The following SRFBP1 variants were observed in gnomAD, a reference collection of about 807,000 sequenced individuals.
The protein encoded by SRFBP1 is serum response factor-binding protein 1.
A neutral mutation model predicts 45.5 loss-of-function variants in SRFBP1; 47 were observed. That is an observed-to-expected ratio of 1.03 (90% confidence interval 0.82 to 1.32). The LOEUF is 1.32. Ranked by LOEUF, SRFBP1 falls within the 40% of genes most tolerant of loss-of-function variation. The pLI is 0.00. For missense variants in SRFBP1, 621 were observed against 484.6 expected (o/e 1.28, Z -2.64); for synonymous variants, 203 against 166.3 (o/e 1.22, Z -1.70).
At chr5:121,987,884 T>G (rs545960065) in intron 3 of SRFBP1, among the ~76,000 whole-genome samples, 4 of 152,298 alleles carry the variant, frequency 2.6e-5, no homozygotes, top group African/African-American at 9.6e-5. Context: ...TTTCCCTGCT[T>G]AACCAGAGGC....
In SRFBP1 at chr5:121,974,229, C is replaced by A; in HGVS notation, c.70C>A (p.Arg24=). Residue 24 remains arginine (R), a synonymous_variant, in exon 2 of 8, where the codon CGA becomes AGA. Transcript: ENST00000339397. The part of the protein sequence containing the change: ...VKMRKEVKRI[R]VLVIRKLVRS... ...GATGAGAAAAGAAGTGAAGAGAATT[C>A]GAGTTTTAGTTATCCGAAAACTTGT... is the stretch of plus-strand genomic sequence containing the variant. The A allele has an allele frequency of 3.7e-6, 6 of 1,611,236 alleles. No homozygotes were observed. Among genetic ancestry groups the A allele is most frequent in the Non-Finnish European group, 5.1e-6 (6 of 1,178,068 alleles).
At chr5:121,992,496 C>G (rs1169634047) in intron 3 of SRFBP1, among the ~76,000 whole-genome samples, 2 of 151,902 alleles carry the variant, frequency 1.3e-5, no homozygotes, top group African/African-American at 2.4e-5. Context: ...CTGGATAATC[C>G]AGGATAATAA....
At chr5:121,990,502 T>G (rs2972344) in intron 3 of SRFBP1, among the ~76,000 whole-genome samples, 66,222 of 151,968 alleles carry the variant, frequency 0.44, 16,585 homozygotes, top group East Asian at 0.74. Context: ...GACGGGATCT[T>G]TACTCCAAAC....
intron 1 of SRFBP1, among the ~76,000 whole-genome samples, chr5:121,969,394 C>G (rs1367134097): frequency 6.6e-6 from 1 of 151,910 alleles, no homozygotes; most frequent in Admixed American, 6.6e-5. Context: ...TTTCTCAAGT[C>G]TCTGAGCTGG....
intron 4 of SRFBP1, among the ~76,000 whole-genome samples, chr5:121,996,587 C>T (rs1752732748): frequency 4.7e-5 from 2 of 42,232 alleles, no homozygotes; most frequent in African/African-American, 1.1e-4. Flanking sequence ...GGAAGCATTC[C>T]CTTTGAAAAC....
At chr5:122,038,336 C>T (rs962557362) in intron 2 of SRFBP1, among the ~76,000 whole-genome samples, 5 of 152,120 alleles carry the variant, frequency 3.3e-5, no homozygotes, top group South Asian at 4.1e-4. Context: ...CTAGCCAGGG[C>T]TAAAAAACGA....
At chr5:122,037,905 A>C (rs76531116) in intron 2 of SRFBP1, among the ~76,000 whole-genome samples, 1 of 152,146 alleles carries the variant, frequency 6.6e-6, no homozygotes, top group East Asian at 1.9e-4. Flanking sequence ...TTAGTATACA[A>C]CTAATCTACA....
chr5:121,970,625 A>G (rs537232557), intron 1 of SRFBP1, among the ~76,000 whole-genome samples: 1 of 152,122 alleles, frequency 6.6e-6, no homozygotes, highest in Non-Finnish European at 1.5e-5. Context: ...CTTTGAAACA[A>G]ATTCCTAAGA....
chr5:122,009,805 ATC>A (rs1255924832), intron 4 of SRFBP1, among the ~76,000 whole-genome samples: 1 of 149,436 alleles, frequency 6.7e-6, no homozygotes, highest in African/African-American at 2.4e-5. Context: ...AATTCCCATA[ATC>A]TCTCAAGGGA....
At chr5:122,004,096 G>A (rs748922025) in intron 4 of SRFBP1, among the ~76,000 whole-genome samples, 1 of 152,084 alleles carries the variant, frequency 6.6e-6, no homozygotes, top group Non-Finnish European at 1.5e-5. Context: ...TGGTGTGCAA[G>A]TTCTGGTGTA....
intron 2 of SRFBP1, chr5:122,074,261 T>G (rs1754549555): frequency 1.8e-6 from 2 of 1,130,226 alleles, no homozygotes; most frequent in South Asian, 3.3e-5. Context: ...CTTCACAAAT[T>G]TGTTTTCACA....
intron 1 of SRFBP1, among the ~76,000 whole-genome samples, chr5:121,970,115 T>G (rs1177558805): frequency 6.6e-6 from 1 of 152,106 alleles, no homozygotes; most frequent in Non-Finnish European, 1.5e-5. Flanking sequence ...ACAAATAAAT[T>G]GGCAGCCTTT....
rs76350462 is a variant in SRFBP1, at chr5:122,038,419, G to T, written n.311+16012G>T. On this transcript the variant is annotated intron_variant and non_coding_transcript_variant, in intron 2 of 2. Transcript: ENST00000504881. The stretch of plus-strand genomic sequence containing the variant: ...AATTTTTTAGAAGGTGGGCCACATG[G>T]TTCCTAACCCTATAGCTCTAGGAAA... Among the ~76,000 whole-genome samples, 66 of 152,312 alleles carry T rather than the reference G, an allele frequency of 4.3e-4. 1 individual carries two copies. Among genetic ancestry groups the T allele is most frequent in the African/African-American group, 1.6e-3 (66 of 41,566 alleles).
chr5:122,055,291 G>A (rs75561525), intron 2 of SRFBP1, among the ~76,000 whole-genome samples: 3,559 of 152,190 alleles, frequency 0.023, 142 homozygotes, highest in African/African-American at 0.081. Flanking sequence ...CTCCACCCTT[G>A]TCATCTAATC....
downstream of SRFBP1, chr5:122,077,783 C>A: frequency 6.5e-7 from 1 of 1,548,826 alleles, no homozygotes. This position sits in a 1 kb window ranked among gnomAD's most constrained non-coding sequence, Gnocchi z 4.9. Flanking sequence ...GTCCCGGCGG[C>A]GCTGAGGCTG....
chr5:121,982,856 G>A (rs1380392455), intron 3 of SRFBP1, among the ~76,000 whole-genome samples: 1 of 151,308 alleles, frequency 6.6e-6, no homozygotes, highest in Non-Finnish European at 1.5e-5. Flanking sequence ...TTTTTGTTTT[G>A]TTTTGATTAG....
intron 2 of SRFBP1, among the ~76,000 whole-genome samples, chr5:122,039,740 A>T (rs1455092010): frequency 2.0e-5 from 3 of 152,150 alleles, no homozygotes; most frequent in African/African-American, 7.2e-5. Context: ...CACAAGCAAA[A>T]AATGAATGAG....
chr5:122,000,514 G>A (rs1315627009), intron 4 of SRFBP1, among the ~76,000 whole-genome samples: 2 of 151,988 alleles, frequency 1.3e-5, no homozygotes, highest in African/African-American at 4.8e-5. Context: ...TGGCAAGGAA[G>A]TTTTTTGTTT....
chr5:121,997,966 A>G (rs1176054840), intron 4 of SRFBP1, among the ~76,000 whole-genome samples: 2 of 151,370 alleles, frequency 1.3e-5, no homozygotes, highest in Non-Finnish European at 2.9e-5. Flanking sequence ...CCACTATGAG[A>G]TACCATCTCA....
Sources: allele counts gnomAD v4.1 joint callset (sites outside exome capture counted in the v4.1 genomes callset), GRCh38; gene constraint gnomAD v4.1.1; non-coding constraint Gnocchi (gnomAD v3.1); transcripts MANE v1.5; gene names NCBI Gene and HGNC (gene_info 2026-07-23, HGNC 2026-07-21).